Variants in PHF11 observed in about 807,000 individuals in gnomAD.
PHF11 encodes BRCA1 C-terminus-associated protein.
In PHF11, 38 loss-of-function variants were observed where a neutral mutation model predicts 40.5. The ratio of observed to expected loss-of-function variants is 0.94; its 90% confidence interval spans 0.72 to 1.23. The LOEUF (loss-of-function observed/expected upper bound fraction) is 1.23, where lower values mean the gene tolerates loss of function less well. Ranked by LOEUF, PHF11 falls within the 50% of genes most tolerant of loss-of-function variation. The probability of loss-of-function intolerance (pLI) is 0.00; values close to 1 mark genes in which losing one functional copy is unlikely to be tolerated. For missense variants in PHF11, 369 were observed against 392.4 expected (o/e 0.94, Z 0.50); for synonymous variants, 127 against 138.2 (o/e 0.92, Z 0.57).
At chr13:49,524,949 A>G (rs1959223273) in intron 8 of PHF11, among the ~76,000 whole-genome samples, 1 of 152,186 alleles carries the variant, frequency 6.6e-6, no homozygotes, top group African/African-American at 2.4e-5. Flanking sequence ...AGAATGTGCC[A>G]TTCAGAGATT....
intron 1 of PHF11, among the ~76,000 whole-genome samples, chr13:49,498,523 T>G (rs1244306135): frequency 6.6e-6 from 1 of 150,726 alleles, no homozygotes; most frequent in South Asian, 2.1e-4. Context: ...TACATTTCCG[T>G]TAGATCATTC....
At chr13:49,498,579 C>G (rs1302487964) in intron 1 of PHF11, among the ~76,000 whole-genome samples, 2 of 151,928 alleles carry the variant, frequency 1.3e-5, no homozygotes, top group African/African-American at 2.4e-5. Flanking sequence ...TGACAGTAAC[C>G]TAGTACATTT....
At position 49,507,138 on chromosome 13, in the gene PHF11, C is replaced by T. The variant is rs528114719; in HGVS notation, c.216+382C>T. 2.2e-3 allele frequency among the ~76,000 whole-genome samples: 329 copies of T among 152,092 alleles called. 1 individual carries two copies. Among genetic ancestry groups the T allele is most frequent in the South Asian group, 7.1e-3 (34 of 4,810 alleles). ...GCCAGGATGATCTCGATCTCCTGAC[C>T]TCGTGATCTGCCCACCTCGGCCTCC... On this transcript the variant is annotated intron_variant, in intron 2 of 9. Coordinates refer to ENST00000378319, the MANE Select transcript of PHF11 (RefSeq NM_001040443.3).
chr13:49,506,718 G>A lies in PHF11; in HGVS notation c.178G>A (p.Ala60Thr). 1 of 1,608,270 alleles carries A rather than the reference G, an allele frequency of 6.2e-7. No homozygotes were observed. The highest frequency in any genetic ancestry group is 8.5e-7 in the Non-Finnish European group (1 of 1,175,286). The change falls in exon 2 of 10, where the codon GCA becomes ACA. Residue 60 changes from alanine to threonine, a missense_variant. Ala to Thr is a moderately conservative substitution (Grantham distance 58, BLOSUM62 0). Transcript: ENST00000378319. Reference protein sequence around the residue: ...KDVEYNVLYFAQSENIAAHEN... With the variant: ...KDVEYNVLYFTQSENIAAHEN... Reference sequence around the variant, plus strand: ...TGTCGAATATAATGTCCTATACTTTGCACAATCAGAGAATATAGCTGCTCA... The same window carrying A: ...TGTCGAATATAATGTCCTATACTTTACACAATCAGAGAATATAGCTGCTCA...
chr13:49,496,122 G>A, intron 1 of PHF11, 27 bp downstream of exon 1: 3 of 1,160,418 alleles, frequency 2.6e-6, no homozygotes, highest in African/African-American at 1.6e-5. Context: ...CGGGCGGGCG[G>A]GCGGGCGGGG....
chr13:49,502,322 TTAAAA>T (rs1179873018), intron 1 of PHF11, among the ~76,000 whole-genome samples: 1 of 151,914 alleles, frequency 6.6e-6, no homozygotes, highest in African/African-American at 2.4e-5. Flanking sequence ...AATTGATTAA[TTAAAA>T]TAAATTAAAA....
At position 49,501,017 on chromosome 13, in the gene PHF11, G is replaced by GTTTTT. The variant is rs1491587127; in HGVS notation, c.94+4929_94+4933dup. Among the ~76,000 whole-genome samples, 607 of 108,764 alleles carry GTTTTT rather than the reference G, an allele frequency of 5.6e-3. 84 individuals are homozygous for GTTTTT. Among genetic ancestry groups the GTTTTT allele is most frequent in the Admixed American group, 0.014 (140 of 9,662 alleles). The allele number at this position is 108,764 out of a possible 152,430, so 71.4% of individuals were successfully genotyped here. A position where few individuals can be genotyped will look rare whatever the true frequency, so the allele number is the denominator to read the frequency against. On this transcript the variant is annotated intron_variant, in intron 1 of 9. Coordinates refer to ENST00000378319, the MANE Select transcript of PHF11 (RefSeq NM_001040443.3). ...CAACTTTTGTTTTTTTTTTTTTTTG[G>GTTTTT]TTTTTTTTTTTCTGAAATGGAGTTT...
At chr13:49,520,793 A>G in intron 4 of PHF11, 101 bp from the exon 5 acceptor site, 1 of 799,934 alleles carries the variant, frequency 1.3e-6, no homozygotes, top group Non-Finnish European at 1.9e-6. Flanking sequence ...TGACGCCGTC[A>G]TGAAAAGTAG....
intron 1 of PHF11, 135 bp downstream of exon 1, chr13:49,496,230 G>C (rs1460860504): frequency 1.5e-6 from 1 of 654,212 alleles, no homozygotes; most frequent in Non-Finnish European, 2.2e-6. Context: ...CTAGACGCCG[G>C]GGCGGCGCTG....
In PHF11 at chr13:49,522,758, G is replaced by GTTTTTTTTTTTTT. The variant is rs1200697917; in HGVS notation, c.571-417_571-416insTTTTTTTTTTTTT. 8.4e-5 allele frequency among the ~76,000 whole-genome samples: 3 copies of GTTTTTTTTTTTTT among 35,818 alleles called. 1 individual carries two copies. 23.5% of individuals were successfully genotyped at this position (35,818 alleles called of 152,430 possible). A position where few individuals can be genotyped will look rare whatever the true frequency, so the allele number is the denominator to read the frequency against. On this transcript the variant is annotated intron_variant, in intron 6 of 9. Transcript: ENST00000378319. ...TGTTTACATCTAAATATGAATATGG[G>GTTTTTTTTTTTTT]GTTTTTTTGTTTTTTTTTTTTTTTG...
intron 3 of PHF11, 58 bp from the exon 4 acceptor site, chr13:49,517,960 G>A: frequency 1.0e-6 from 1 of 976,968 alleles, no homozygotes. Context: ...TGATATCTTT[G>A]AATTTTAACA....
intron 4 of PHF11, among the ~76,000 whole-genome samples, chr13:49,520,031 C>T (rs1037899302): frequency 6.6e-6 from 1 of 151,994 alleles, no homozygotes; most frequent in Non-Finnish European, 1.5e-5. Context: ...CTCTATAAAA[C>T]GATTCACTTC....
At chr13:49,517,396 C>T (rs1310759334) in intron 3 of PHF11, among the ~76,000 whole-genome samples, 1 of 152,180 alleles carries the variant, frequency 6.6e-6, no homozygotes, top group East Asian at 1.9e-4. Flanking sequence ...CATGACACCA[C>T]TGTCACATAT....
At chr13:49,517,042 A>G (rs1959164597) in intron 3 of PHF11, among the ~76,000 whole-genome samples, 1 of 152,070 alleles carries the variant, frequency 6.6e-6, no homozygotes, top group Non-Finnish European at 1.5e-5. Context: ...TCCATGTACA[A>G]CTTATTCAGG....
chr13:49,520,040 T>A (rs1301186058), intron 4 of PHF11, among the ~76,000 whole-genome samples: 1 of 151,870 alleles, frequency 6.6e-6, no homozygotes, highest in South Asian at 2.1e-4. Context: ...ACGATTCACT[T>A]CATTTCTTTT....
intron 1 of PHF11, among the ~76,000 whole-genome samples, chr13:49,501,334 G>A (rs1958905784): frequency 6.6e-6 from 1 of 152,042 alleles, no homozygotes; most frequent in African/African-American, 2.4e-5. Flanking sequence ...TTTTAAGCCT[G>A]TACTTTACAA....
At chr13:49,510,122 T>C (rs1280909583) in intron 2 of PHF11, among the ~76,000 whole-genome samples, 1 of 152,098 alleles carries the variant, frequency 6.6e-6, no homozygotes, top group Non-Finnish European at 1.5e-5. Context: ...CCTCCTGGGC[T>C]CAAGTGATTC....
Position 49,526,582 on chromosome 13 carries a change from G to T in PHF11, c.841+124G>T. 4.4e-6 allele frequency: 3 copies of T among 684,310 alleles called. No individual in the cohort carries two copies. The South Asian group carries it at 5.4e-5, about 12-fold the overall frequency. The allele number at this position is 684,310 out of a possible 1,614,324, so 42.4% of individuals were successfully genotyped here. A position where few individuals can be genotyped will look rare whatever the true frequency, so the allele number is the denominator to read the frequency against. On this transcript the variant is annotated intron_variant, in intron 9 of 9. Coordinates refer to ENST00000378319, the MANE Select transcript of PHF11 (RefSeq NM_001040443.3). The stretch of plus-strand genomic sequence containing the variant: ...GAATGTTCATTGTTTTCTTAAATGA[G>T]AAAAGCCAATTACAAAAACAGTATG...
chr13:49,523,369 T>C (rs1316435519), intron 7 of PHF11, 128 bp downstream of exon 7: 1 of 657,510 alleles, frequency 1.5e-6, no homozygotes, highest in Non-Finnish European at 2.7e-6. Flanking sequence ...TTAATGAGTA[T>C]AAATCTTTAT....
Sources: gnomAD v4.1 joint callset for allele counts (sites outside exome capture counted in the v4.1 genomes callset) on GRCh38, gnomAD v4.1.1 for gene constraint, MANE v1.5 for transcripts, NCBI Gene and HGNC (gene_info 2026-07-23, HGNC 2026-07-21) for gene names.